The following CDK17 variants were observed in gnomAD, a reference collection of about 807,000 sequenced individuals.
CDK17 encodes cyclin-dependent kinase 17.
Under a neutral mutation model 77.6 loss-of-function variants are expected in CDK17, and 24 were observed. That is an observed-to-expected ratio of 0.31 (90% CI 0.22 to 0.44). The LOEUF is 0.44. CDK17 is among the 20% of genes least tolerant of loss of function. The probability of loss-of-function intolerance (pLI) is 1.00; values close to 1 mark genes in which losing one functional copy is unlikely to be tolerated. For synonymous variants in CDK17, 203 were observed against 210.4 expected, an observed-to-expected ratio of 0.96 and a Z score of 0.30; for missense variants, 429 against 622.5, an observed-to-expected ratio of 0.69 and a Z score of 3.31.
chr12:96,361,016 G>C (rs541681324), intron 1 of CDK17, among the ~76,000 whole-genome samples: 17 of 152,340 alleles, frequency 1.1e-4, no homozygotes, highest in African/African-American at 3.8e-4. Context: ...CCAGAGCTGA[G>C]AGGAACAAAG....
intron 1 of CDK17, among the ~76,000 whole-genome samples, chr12:96,374,311 C>T (rs747401425): frequency 6.6e-5 from 10 of 152,086 alleles, no homozygotes; most frequent in Non-Finnish European, 1.0e-4. Context: ...TGTGAACAGC[C>T]GTTATTTTGT....
chr12:96,307,730 G>A (rs1010899617), intron 5 of CDK17, among the ~76,000 whole-genome samples: 1 of 152,012 alleles, frequency 6.6e-6, no homozygotes, highest in African/African-American at 2.4e-5. Context: ...AATTAGCCAG[G>A]CATGGTGGCA....
intron 1 of CDK17, among the ~76,000 whole-genome samples, chr12:96,342,999 G>C (rs1303171284): frequency 6.6e-6 from 1 of 152,086 alleles, no homozygotes; most frequent in Admixed American, 6.5e-5. Flanking sequence ...GTTCAAATCT[G>C]AGGCTGATTC....
At chr12:96,308,472 T>C (rs1952604930) in intron 5 of CDK17, among the ~76,000 whole-genome samples, 1 of 151,652 alleles carries the variant, frequency 6.6e-6, no homozygotes, top group Non-Finnish European at 1.5e-5. Context: ...CTCACCCCTG[T>C]AATCCCAGCA....
chr12:96,286,704 T>C lies in CDK17; in HGVS notation c.1176A>G (p.Ser392=), dbSNP rs1299318810. ...TTAAGTGCAGTTCATCTTCCACGGT[T>C]GATCCTGGAAATAAAGGTCTTCCAG... ...MASGRPLFPG[S]TVEDELHLIF... The change falls in exon 12 of 17, where the codon TCA becomes TCG. Residue 392 remains serine, a synonymous_variant. Coordinates refer to ENST00000261211, the MANE Select transcript of CDK17 (RefSeq NM_002595.5). 11 of 1,613,488 alleles carry C rather than the reference T, an allele frequency of 6.8e-6. No individual in the cohort carries two copies. The East Asian group carries it at 8.9e-5, about 13-fold the overall frequency.
intron 1 of CDK17, among the ~76,000 whole-genome samples, chr12:96,392,793 A>T (rs1265054207): frequency 3.3e-5 from 5 of 152,196 alleles, no homozygotes; most frequent in Non-Finnish European, 7.4e-5. Flanking sequence ...AGATTATTGC[A>T]TATGGGTGAT....
At chr12:96,306,416 CA>C (rs55650621) in intron 5 of CDK17, among the ~76,000 whole-genome samples, 36,826 of 131,292 alleles carry the variant, frequency 0.28, 5,003 homozygotes, top group Middle Eastern at 0.37. Flanking sequence ...ATAATTTGTA[CA>C]AAAAAAAAAA....
intron 11 of CDK17, 88 bp from the exon 12 acceptor site, chr12:96,286,849 G>C: frequency 1.9e-6 from 2 of 1,068,440 alleles, no homozygotes. Flanking sequence ...CCTCTCTGCA[G>C]AATTTTGCAC....
chr12:96,336,559 A>G (rs1953043466), intron 1 of CDK17, among the ~76,000 whole-genome samples: 1 of 152,244 alleles, frequency 6.6e-6, no homozygotes, highest in Non-Finnish European at 1.5e-5. Flanking sequence ...TTGCGACTGC[A>G]CTTTAATAAG....
chr12:96,338,679 C>T (rs966685740), intron 1 of CDK17, among the ~76,000 whole-genome samples: 1 of 152,024 alleles, frequency 6.6e-6, no homozygotes, highest in African/African-American at 2.4e-5. Flanking sequence ...GCATGAGACA[C>T]TGCGCTTGGC....
intron 1 of CDK17, among the ~76,000 whole-genome samples, chr12:96,382,797 T>G (rs1203069487): frequency 6.6e-6 from 1 of 151,972 alleles, no homozygotes; most frequent in Non-Finnish European, 1.5e-5. Flanking sequence ...AAGCTTTCGA[T>G]AAAACCCAGC....
chr12:96,324,528 A>G (rs1952867978), intron 2 of CDK17, among the ~76,000 whole-genome samples: 1 of 152,166 alleles, frequency 6.6e-6, no homozygotes, highest in Non-Finnish European at 1.5e-5. Context: ...GCACTTTGGG[A>G]GGCCGAGGCA....
At chr12:96,313,283 C>T (rs776444913) in intron 4 of CDK17, 38 bp downstream of exon 4, 7 of 1,519,580 alleles carry the variant, frequency 4.6e-6, no homozygotes, top group Non-Finnish European at 4.4e-6. Flanking sequence ...TACCAACACA[C>T]ATATTCACAA....
At chr12:96,348,523 C>CAAAAAA (rs35363324) in intron 1 of CDK17, among the ~76,000 whole-genome samples, 16 of 66,346 alleles carry the variant, frequency 2.4e-4, no homozygotes, top group Non-Finnish European at 3.9e-4. Flanking sequence ...GACTCTGTCT[C>CAAAAAA]AAAAAAAAAA....
intron 7 of CDK17, among the ~76,000 whole-genome samples, chr12:96,298,647 A>C (rs1952448498): frequency 6.6e-6 from 1 of 152,210 alleles, no homozygotes; most frequent in East Asian, 1.9e-4. Context: ...TATGACAAAT[A>C]GTTGTCTATG....
At chr12:96,293,735 C>T (rs888590411) in intron 10 of CDK17, among the ~76,000 whole-genome samples, 2 of 152,192 alleles carry the variant, frequency 1.3e-5, no homozygotes, top group Non-Finnish European at 2.9e-5. Flanking sequence ...ATTTGGAAAA[C>T]AGTGGATCCC....
At chr12:96,390,480 G>A (rs1212870225) in intron 1 of CDK17, among the ~76,000 whole-genome samples, 4 of 149,102 alleles carry the variant, frequency 2.7e-5, no homozygotes, top group Admixed American at 1.3e-4. Flanking sequence ...AGGCCTAGGT[G>A]GGTGGATCAC....
intron 1 of CDK17, among the ~76,000 whole-genome samples, chr12:96,398,391 C>G (rs1194609696): frequency 6.6e-6 from 1 of 151,498 alleles, no homozygotes; most frequent in African/African-American, 2.4e-5. Flanking sequence ...ACTCCTCAGA[C>G]TCATAAAAAA....
At chr12:96,289,940 A>G (rs551855307) in intron 10 of CDK17, among the ~76,000 whole-genome samples, 3 of 152,300 alleles carry the variant, frequency 2.0e-5, no homozygotes, top group South Asian at 2.1e-4. Flanking sequence ...GGGGTGTCCA[A>G]TCTTTTAGCT....
Sources: allele counts gnomAD v4.1 joint callset (sites outside exome capture counted in the v4.1 genomes callset), GRCh38; gene constraint gnomAD v4.1.1; transcripts MANE v1.5; gene names NCBI Gene and HGNC (gene_info 2026-07-23, HGNC 2026-07-21).